MREG: variants seen among roughly 807,000 people sequenced by gnomAD.
MREG encodes dilute suppressor protein homolog.
MREG carries 31 observed loss-of-function variants against 28.5 expected under a neutral mutation model. The ratio of observed to expected loss-of-function variants is 1.09; its 90% CI spans 0.82 to 1.47. MREG has a LOEUF of 1.47. Ranked by LOEUF, MREG falls within the 40% of genes most tolerant of loss-of-function variation. The pLI, the probability that MREG is intolerant of heterozygous loss-of-function variation, is 0.00. For missense variants in MREG, 256 were observed against 257.4 expected, an observed-to-expected ratio of 0.99 and a Z score of 0.04; for synonymous variants, 106 against 95.2, an observed-to-expected ratio of 1.11 and a Z score of -0.66.
intron 2 of MREG, among the ~76,000 whole-genome samples, chr2:215,948,643 T>G (rs1692384339): frequency 6.6e-6 from 1 of 152,208 alleles, no homozygotes; most frequent in African/African-American, 2.4e-5. Context: ...TATACTTACT[T>G]GGCCACTCAG....
At chr2:216,017,643 T>G (rs924936475), upstream of MREG, among the ~76,000 whole-genome samples, 2 of 152,150 alleles carry the variant, frequency 1.3e-5, no homozygotes. Flanking sequence ...GGCAGTCCCC[T>G]GCCATCAGTG....
intron 2 of MREG, among the ~76,000 whole-genome samples, chr2:215,989,801 T>G (rs1240119214): frequency 2.0e-5 from 3 of 151,688 alleles, no homozygotes; most frequent in African/African-American, 7.3e-5. Flanking sequence ...TATCAGAGAT[T>G]GAAGATCAAC....
At chr2:215,987,834 C>A (rs1467719632) in intron 2 of MREG, among the ~76,000 whole-genome samples, 7 of 151,990 alleles carry the variant, frequency 4.6e-5, no homozygotes, top group African/African-American at 1.4e-4. Flanking sequence ...AACCAGGAGA[C>A]GGAGGTTGCA....
intron 1 of MREG, among the ~76,000 whole-genome samples, chr2:215,999,004 C>A (rs1390931107): frequency 1.3e-5 from 2 of 152,130 alleles, no homozygotes; most frequent in Non-Finnish European, 2.9e-5. Flanking sequence ...ACTAACCAGA[C>A]CTGAGGACTG....
At chr2:216,010,364 T>A (rs1240271355) in intron 1 of MREG, among the ~76,000 whole-genome samples, 4 of 137,856 alleles carry the variant, frequency 2.9e-5, no homozygotes, top group African/African-American at 1.1e-4. Flanking sequence ...CTTTTTTTTT[T>A]TTTTTTTTTT....
rs1328052270 is a variant in MREG at position 215,977,187 on chromosome 2, C to A, written c.255+19119G>T. 2.0e-5 allele frequency among the ~76,000 whole-genome samples: 3 copies of A among 152,144 alleles called. No homozygotes were observed. In the East Asian group the frequency reaches 5.8e-4, roughly 29 times the overall value. The stretch of plus-strand genomic sequence containing the variant: ...TCAAAATAAAGGGATGGAGGAAGAT[C>A]TACAAAGCAAATGGAAACCAACAAA... On this transcript the variant is annotated intron_variant, in intron 2 of 4. Transcript: ENST00000263268.
chr2:216,017,996 C>CAAA (rs35615805), upstream of MREG, among the ~76,000 whole-genome samples: 13 of 127,372 alleles, frequency 1.0e-4, no homozygotes, highest in Non-Finnish European at 2.2e-4. Flanking sequence ...ACTAAAAATA[C>CAAA]AAAAAAAAAA....
rs919650335 is a variant in MREG, at chr2:215,979,661, G to A, written c.255+16645C>T. Reference sequence around the variant, plus strand: ...CTGAGAAAAGTCACTTAACCTCTTGGGTCTCTCACTCACTCTTTTTTAAAA... The same window carrying A: ...CTGAGAAAAGTCACTTAACCTCTTGAGTCTCTCACTCACTCTTTTTTAAAA... On this transcript the variant is annotated intron_variant, in intron 2 of 4. Transcript: ENST00000263268. Among the ~76,000 whole-genome samples, 4 of 151,498 alleles carry A rather than the reference G, an allele frequency of 2.6e-5. 1 individual carries two copies. Among genetic ancestry groups the A allele is most frequent in the Admixed American group, 6.6e-5 (1 of 15,212 alleles).
chr2:215,962,062 G>C (rs569034322), intron 2 of MREG, among the ~76,000 whole-genome samples: 2 of 152,190 alleles, frequency 1.3e-5, no homozygotes, highest in South Asian at 4.1e-4. Context: ...CTCTGAATCC[G>C]AGCTAGAGTT....
intron 1 of MREG, among the ~76,000 whole-genome samples, chr2:216,025,722 C>T (rs1439139017): frequency 2.0e-5 from 3 of 152,232 alleles, no homozygotes; most frequent in Non-Finnish European, 4.4e-5. Context: ...ACAGCTAGGG[C>T]CGTGTCGGGC....
Position 215,947,099 on chromosome 2 carries a change from G to C in MREG, c.270C>G (p.Leu90=). 4 of 1,611,960 alleles carry C rather than the reference G, an allele frequency of 2.5e-6. No homozygotes were observed. The highest frequency in any genetic ancestry group is 1.1e-5 in the South Asian group (1 of 90,802). Residue 90 remains leucine (L), a synonymous_variant, in exon 3 of 5, where the codon CTC becomes CTG. Transcript: ENST00000263268. ...GCCGCAGGGTATGGATATCATAGTTGAGCTTCTGCCACTCCTGCAGGAAAA... is the reference window on the plus strand; with the variant it reads ...GCCGCAGGGTATGGATATCATAGTTCAGCTTCTGCCACTCCTGCAGGAAAA... ...QAKDSEEWQK[L]NYDIHTLRQV...
intron 1 of MREG, among the ~76,000 whole-genome samples, chr2:216,025,580 G>C (rs536532491): frequency 6.6e-6 from 1 of 152,274 alleles, no homozygotes; most frequent in Non-Finnish European, 1.5e-5. Context: ...CTCTGAGTCA[G>C]TCAGTAAGCG....
intron 1 of MREG, among the ~76,000 whole-genome samples, chr2:215,996,750 A>G (rs1417341487): frequency 6.6e-6 from 1 of 150,586 alleles, no homozygotes; most frequent in Non-Finnish European, 1.5e-5. Context: ...GTACCCCAGA[A>G]GCTAAGACAA....
intron 1 of MREG, among the ~76,000 whole-genome samples, chr2:216,009,840 G>A (rs1460537716): frequency 6.6e-6 from 1 of 152,084 alleles, no homozygotes; most frequent in Non-Finnish European, 1.5e-5. Flanking sequence ...CTGGCCTCAG[G>A]TAGATTTTTA....
intron 1 of MREG, among the ~76,000 whole-genome samples, chr2:216,030,950 TCTCTCTCA>T (rs1251443118): frequency 4.3e-4 from 41 of 96,230 alleles, no homozygotes; most frequent in East Asian, 1.8e-3. Flanking sequence ...TCTCTCTCTC[TCTCTCTCA>T]CACACACACA....
intron 1 of MREG, among the ~76,000 whole-genome samples, chr2:216,001,488 C>G (rs906372763): frequency 6.6e-6 from 1 of 152,218 alleles, no homozygotes; most frequent in African/African-American, 2.4e-5. Flanking sequence ...AGGATCTGAC[C>G]TGCTCGTGGC....
intron 1 of MREG, among the ~76,000 whole-genome samples, chr2:216,018,922 T>C (rs1694483622): frequency 6.6e-6 from 1 of 152,166 alleles, no homozygotes. Flanking sequence ...GAAATTGACA[T>C]GTGACCAAGA....
intron 2 of MREG, among the ~76,000 whole-genome samples, chr2:215,947,843 G>A (rs1692361541): frequency 6.6e-6 from 1 of 152,160 alleles, no homozygotes; most frequent in Non-Finnish European, 1.5e-5. Context: ...CTATGTAAAG[G>A]AGGCCATCAT....
chr2:216,026,087 A>G (rs1005309937), intron 1 of MREG, among the ~76,000 whole-genome samples: 3 of 152,212 alleles, frequency 2.0e-5, no homozygotes, highest in Non-Finnish European at 2.9e-5. Flanking sequence ...AAACATTATG[A>G]TAAGTGAAAA....
Sources: gnomAD v4.1 joint callset for allele counts (sites outside exome capture counted in the v4.1 genomes callset) on GRCh38, gnomAD v4.1.1 for gene constraint, MANE v1.5 for transcripts, NCBI Gene and HGNC (gene_info 2026-07-23, HGNC 2026-07-21) for gene names.